The following ADGRV1 variants were observed in gnomAD, a reference collection of about 807,000 sequenced individuals.
ADGRV1 encodes the protein G-protein coupled receptor 98.
Under a neutral mutation model 596.2 loss-of-function variants are expected in ADGRV1, and 359 were observed. The ratio of observed to expected loss-of-function variants is 0.60; its 90% CI spans 0.55 to 0.66. The LOEUF (loss-of-function observed/expected upper bound fraction) is 0.66. Among genes scored for constraint, ADGRV1 ranks in the 30% least tolerant of loss-of-function variants. ADGRV1 has a pLI of 0.00. For missense variants in ADGRV1, 7,274 were observed against 7,575.6 expected (o/e 0.96, Z 1.48); for synonymous variants, 2,681 against 2,679.2 (o/e 1.00, Z -0.02).
At chr5:91,000,926 C>T (rs780541541) in intron 85 of ADGRV1, among the ~76,000 whole-genome samples, 1 of 152,104 alleles carries the variant, frequency 6.6e-6, no homozygotes, top group Admixed American at 6.6e-5. Context: ...AGGCCTTCAA[C>T]TAATTGGATA....
chr5:90,990,062 C>T (rs1422982949), intron 85 of ADGRV1, among the ~76,000 whole-genome samples: 1 of 152,176 alleles, frequency 6.6e-6, no homozygotes, highest in Non-Finnish European at 1.5e-5. Context: ...TGGTGATCCG[C>T]CCACCTCGGC....
intron 1 of ADGRV1, among the ~76,000 whole-genome samples, chr5:90,578,129 G>A (rs1682218427): frequency 6.6e-6 from 1 of 152,258 alleles, no homozygotes; most frequent in South Asian, 2.1e-4. Flanking sequence ...GATTGCCCTG[G>A]CCAGAACTTC....
chr5:90,682,104 G>A (rs762172748), intron 27 of ADGRV1, among the ~76,000 whole-genome samples: 3 of 152,064 alleles, frequency 2.0e-5, no homozygotes, highest in Non-Finnish European at 4.4e-5. Context: ...AACCTCAGGT[G>A]ATCCACCCGC....
rs538798006 is a variant in ADGRV1 at position 90,684,553 on chromosome 5, T to A, written c.6274+358T>A. On this transcript the variant is annotated intron_variant, in intron 28 of 89. Transcript: ENST00000405460. ...CTGGGTGGCTTAGAAACAACAGACA[T>A]TTTTCCTCATAGTTCTGGAGGCTGG... 2.0e-5 allele frequency among the ~76,000 whole-genome samples: 3 copies of A among 152,166 alleles called. No individual in the cohort carries two copies. In the East Asian group the frequency reaches 5.8e-4, roughly 29 times the overall value.
chr5:90,706,099 G>A lies in ADGRV1; in HGVS notation c.8567-132G>A. The stretch of plus-strand genomic sequence containing the variant: ...CACATGGTAAAGATTATGGATATAG[G>A]AAGGGGTGAGGAATTGGGACCAATA... On this transcript the variant is annotated intron_variant, in intron 37 of 89. Transcript: ENST00000405460. 4.6e-6 allele frequency: 3 copies of A among 658,280 alleles called. No homozygotes were observed. The Admixed American group carries it at 9.4e-5, about 21-fold the overall frequency. 40.8% of individuals were successfully genotyped at this position (658,280 alleles called of 1,614,324 possible).
intron 10 of ADGRV1, among the ~76,000 whole-genome samples, chr5:90,637,443 T>C (rs1766357145): frequency 1.3e-5 from 2 of 151,266 alleles, no homozygotes; most frequent in Non-Finnish European, 3.0e-5. Context: ...TTTAAAATAT[T>C]TGCCTTTTAT....
intron 50 of ADGRV1, among the ~76,000 whole-genome samples, chr5:90,737,536 C>A (rs1753401978): frequency 6.6e-6 from 1 of 151,746 alleles, no homozygotes; most frequent in South Asian, 2.1e-4. Context: ...TACTGGGGTC[C>A]CCTACTATTA....
Position 90,810,819 on chromosome 5 carries a change from G to C in ADGRV1, c.15559G>C (p.Ala5187Pro). ...AIVTEATGVS[A>P]IPEKLVTLHG... is the part of the protein sequence containing the mutation. ...TGTTACTGAGGCAACTGGTGTATCT[G>C]CCATCCCTGAGAAACTTGTCACCCT... The change falls in exon 74 of 90, where the codon GCC becomes CCC. Residue 5187 changes from alanine (A) to proline (P), a missense_variant. Ala to Pro is a conservative substitution (Grantham distance 27). Transcript: ENST00000405460. 6.2e-7 allele frequency: 1 copy of C among 1,614,026 alleles called. No individual in the cohort carries two copies. Among genetic ancestry groups the C allele is most frequent in the African/African-American group, 1.3e-5 (1 of 75,046 alleles).
intron 87 of ADGRV1, among the ~76,000 whole-genome samples, chr5:91,104,207 T>A (rs1368021828): frequency 6.6e-6 from 1 of 152,216 alleles, no homozygotes; most frequent in East Asian, 1.9e-4. Context: ...TAGGTTATTG[T>A]TATATTTCAG....
At chr5:90,652,984 T>C (rs748033559) in intron 19 of ADGRV1, among the ~76,000 whole-genome samples, 53 of 152,338 alleles carry the variant, frequency 3.5e-4, no homozygotes, top group Admixed American at 1.0e-3. Context: ...ATTCATATAC[T>C]CTTTTCAGGC....
chr5:90,758,994 A>G (rs2149992453), intron 57 of ADGRV1, among the ~76,000 whole-genome samples: 1 of 152,328 alleles, frequency 6.6e-6, no homozygotes, highest in South Asian at 2.1e-4. Context: ...ATTAATACCA[A>G]GCATACTGCA....
chr5:90,690,127 A>G (rs1057137638), intron 30 of ADGRV1, 51 bp downstream of exon 30: 10 of 1,032,902 alleles, frequency 9.7e-6, no homozygotes, highest in African/African-American at 8.0e-5. Flanking sequence ...TGTATAGATC[A>G]TAGATAATGA....
intron 4 of ADGRV1, among the ~76,000 whole-genome samples, chr5:90,621,916 T>C (rs1326374562): frequency 1.3e-5 from 2 of 152,140 alleles, no homozygotes; most frequent in Non-Finnish European, 2.9e-5. Flanking sequence ...ACTATCGCAT[T>C]GAAACCTCAT....
At chr5:91,124,059 A>G (rs1372744248) in intron 87 of ADGRV1, among the ~76,000 whole-genome samples, 1 of 152,186 alleles carries the variant, frequency 6.6e-6, no homozygotes, top group Non-Finnish European at 1.5e-5. Context: ...GCCATTAATG[A>G]GCACGGGTAG....
chr5:90,915,109 T>C (rs1260925268), intron 83 of ADGRV1, among the ~76,000 whole-genome samples: 1 of 152,184 alleles, frequency 6.6e-6, no homozygotes, highest in Non-Finnish European at 1.5e-5. Flanking sequence ...ACATAAACTT[T>C]TAAAAAATGT....
intron 68 of ADGRV1, among the ~76,000 whole-genome samples, 167 bp from the exon 69 acceptor site, chr5:90,789,535 T>A (rs540331471): frequency 6.6e-6 from 1 of 152,342 alleles, no homozygotes; most frequent in South Asian, 2.1e-4. Flanking sequence ...TAACAGTCAA[T>A]GTGATAAAGA....
chr5:91,040,058 T>C (rs994771666), intron 85 of ADGRV1, among the ~76,000 whole-genome samples: 2 of 152,168 alleles, frequency 1.3e-5, no homozygotes, highest in African/African-American at 4.8e-5. Context: ...TGTAGTGTTT[T>C]GTCCATGCAA....
chr5:91,071,421 CT>C (rs1788381015), intron 85 of ADGRV1, among the ~76,000 whole-genome samples: 1 of 152,000 alleles, frequency 6.6e-6, no homozygotes, highest in East Asian at 1.9e-4. Context: ...GAAACATAAG[CT>C]GGGCATGACT....
chr5:90,963,702 C>T (rs1778214332), intron 83 of ADGRV1, among the ~76,000 whole-genome samples: 1 of 151,028 alleles, frequency 6.6e-6, no homozygotes, highest in Non-Finnish European at 1.5e-5. Context: ...TTTTTCCCAA[C>T]TTCCTTCTAT....
Sources: allele counts gnomAD v4.1 joint callset (sites outside exome capture counted in the v4.1 genomes callset), GRCh38; gene constraint gnomAD v4.1.1; transcripts MANE v1.5; gene names NCBI Gene and HGNC (gene_info 2026-07-23, HGNC 2026-07-21).